The following WIPF1 variants were observed in gnomAD, a reference collection of about 807,000 sequenced individuals.
WIPF1 encodes the protein WAS/WASL interacting protein family member 1, also known as WAS/WASL-interacting protein family member 1.
A neutral mutation model predicts 35.4 loss-of-function variants in WIPF1; 13 were observed. The observed-to-expected ratio is 0.37, with a 90% confidence interval of 0.24 to 0.58. WIPF1 has a LOEUF of 0.58. Ranked by LOEUF, WIPF1 falls within the 20% of genes least tolerant of loss-of-function variation. WIPF1 has a pLI of 0.74. For missense variants in WIPF1, 591 were observed against 667.0 expected, an observed-to-expected ratio of 0.89 and a Z score of 1.25; for synonymous variants, 267 against 266.3, an observed-to-expected ratio of 1.00 and a Z score of -0.02.
At chr2:174,581,189 T>C in intron 3 of WIPF1, 121 bp downstream of exon 3, 1 of 1,414,078 alleles carries the variant, frequency 7.1e-7, no homozygotes, top group Non-Finnish European at 9.5e-7. Flanking sequence ...CTTATTTTGC[T>C]AGCTTTGCAG....
intron 1 of WIPF1, among the ~76,000 whole-genome samples, chr2:174,677,745 G>A (rs6433499): frequency 0.93 from 142,356 of 152,254 alleles, 66,653 homozygotes; most frequent in Admixed American, 0.97. Flanking sequence ...TTCTTATAGC[G>A]TTCAACAAAC....
chr2:174,660,957 G>A lies in WIPF1; in HGVS notation c.-39+21817C>T, dbSNP rs985219533. 7.2e-5 allele frequency among the ~76,000 whole-genome samples: 11 copies of A among 152,232 alleles called. No individual in the cohort carries two copies. In the South Asian group the frequency reaches 2.1e-3, roughly 29 times the overall value. ...GGGCTGGTGCTGGAAAGCACCTGAC[G>A]GAGGCTGGAACTGAAGTCAAGAGGG... On this transcript the variant is annotated intron_variant, in intron 1 of 8. Transcript: ENST00000272746.
At chr2:174,662,019 T>C (rs114819071) in intron 1 of WIPF1, among the ~76,000 whole-genome samples, 1,581 of 152,326 alleles carry the variant, frequency 0.01, 35 homozygotes, top group African/African-American at 0.035. Flanking sequence ...GCAGAGCACC[T>C]ACCCTTGCCC....
At chr2:174,637,885 T>A (rs917511907) in intron 1 of WIPF1, among the ~76,000 whole-genome samples, 1 of 152,262 alleles carries the variant, frequency 6.6e-6, no homozygotes, top group African/African-American at 2.4e-5. Flanking sequence ...GTACTGTTTT[T>A]TCCCCTACAT....
intron 6 of WIPF1, among the ~76,000 whole-genome samples, chr2:174,567,512 C>A (rs1033785495): frequency 6.6e-6 from 1 of 152,208 alleles, no homozygotes; most frequent in Non-Finnish European, 1.5e-5. Flanking sequence ...ATCTGCAGGC[C>A]GTCAGGCCTC....
rs1684501970 is a variant in WIPF1 at position 174,562,175 on chromosome 2, G to A, written c.*372C>T. ...AGGCCAAGCATGCGAAAAAGGAACG[G>A]GAGAAAACAGCTCTCAGGGACTTTA... On this transcript the variant is annotated 3_prime_UTR_variant, in exon 8 of 8. Transcript: ENST00000679041. 17 of 1,550,494 alleles carry A rather than the reference G, an allele frequency of 1.1e-5. No homozygotes were observed. Among genetic ancestry groups the A allele is most frequent in the Non-Finnish European group, 1.5e-5 (17 of 1,146,994 alleles).
intron 1 of WIPF1, among the ~76,000 whole-genome samples, chr2:174,619,959 A>G (rs1381782404): frequency 6.6e-6 from 1 of 151,906 alleles, no homozygotes; most frequent in Non-Finnish European, 1.5e-5. Flanking sequence ...AAAAAAAAAA[A>G]GAAATCTCCA....
rs1559151727 is a variant in WIPF1 at position 174,584,754 on chromosome 2, A to ATAGC, written c.51+768_51+769insGCTA. Among the ~76,000 whole-genome samples, 953 of 152,294 alleles carry ATAGC rather than the reference A, an allele frequency of 6.3e-3. 12 individuals carry two copies. The highest frequency in any genetic ancestry group is 0.022 in the African/African-American group (919 of 41,556). ...TGGTGAAACCCCGTCCATACTAAAA[A>ATAGC]TACAAAAATTAGCTGGGCATGGTGG... is the stretch of plus-strand genomic sequence containing the variant. On this transcript the variant is annotated intron_variant, in intron 2 of 7. Transcript: ENST00000679041.
At chr2:174,666,809 T>C (rs767585975) in intron 1 of WIPF1, among the ~76,000 whole-genome samples, 4 of 152,252 alleles carry the variant, frequency 2.6e-5, no homozygotes, top group Non-Finnish European at 4.4e-5. Context: ...GCCATTTTAA[T>C]CAAGGACAAG....
At chr2:174,606,450 T>C (rs1686167755) in intron 1 of WIPF1, among the ~76,000 whole-genome samples, 1 of 152,188 alleles carries the variant, frequency 6.6e-6, no homozygotes, top group Non-Finnish European at 1.5e-5. Context: ...TGGCAGCACT[T>C]CAAGTGCTCC....
intron 1 of WIPF1, among the ~76,000 whole-genome samples, chr2:174,667,987 A>T (rs1310784175): frequency 6.6e-6 from 1 of 152,160 alleles, no homozygotes; most frequent in African/African-American, 2.4e-5. Context: ...GTGCAGTGCA[A>T]ACTCTACAGG....
chr2:174,657,215 T>C (rs1687658297), intron 1 of WIPF1, among the ~76,000 whole-genome samples: 1 of 152,268 alleles, frequency 6.6e-6, no homozygotes, highest in African/African-American at 2.4e-5. Flanking sequence ...CTAAGCGAAG[T>C]ATCTGTCTTT....
chr2:174,668,630 T>C (rs1230675643), intron 1 of WIPF1, among the ~76,000 whole-genome samples: 1 of 152,156 alleles, frequency 6.6e-6, no homozygotes, highest in Admixed American at 6.5e-5. Context: ...GTGTGGATGA[T>C]TCAGAGCAAA....
At chr2:174,644,808 T>A (rs1389176884) in intron 1 of WIPF1, among the ~76,000 whole-genome samples, 1 of 152,240 alleles carries the variant, frequency 6.6e-6, no homozygotes, top group African/African-American at 2.4e-5. Flanking sequence ...AGTTTCCTAA[T>A]GTCTAATTCA....
intron 1 of WIPF1, among the ~76,000 whole-genome samples, chr2:174,642,807 A>G (rs1687327362): frequency 6.7e-6 from 1 of 148,972 alleles, no homozygotes; most frequent in South Asian, 2.1e-4. Flanking sequence ...GAGCCACTGC[A>G]CCTGGCACCT....
chr2:174,659,589 G>T (rs1182505927), intron 1 of WIPF1, among the ~76,000 whole-genome samples: 1 of 152,132 alleles, frequency 6.6e-6, no homozygotes, highest in Non-Finnish European at 1.5e-5. Context: ...GTTGACAGAG[G>T]ATCATAGTTT....
At chr2:174,677,884 GTTAAAGGTGCGA>G (rs1176581737) in intron 1 of WIPF1, among the ~76,000 whole-genome samples, 5 of 152,206 alleles carry the variant, frequency 3.3e-5, no homozygotes, top group Non-Finnish European at 7.3e-5. Context: ...GAAATTAAAG[GTTAAAGGTGCGA>G]TGCTTGGAAT....
At chr2:174,635,976 T>C (rs1167435775) in intron 1 of WIPF1, among the ~76,000 whole-genome samples, 1 of 152,184 alleles carries the variant, frequency 6.6e-6, no homozygotes. Flanking sequence ...ATTTTGACAG[T>C]TGATGGCTGG....
intron 1 of WIPF1, chr2:174,634,506 A>G (rs972835795): frequency 2.6e-5 from 4 of 152,242 alleles, no homozygotes; most frequent in African/African-American, 9.6e-5. Flanking sequence ...CCAGGGGGCA[A>G]AAAGCACTAA....
Sources: gnomAD v4.1 joint callset for allele counts (sites outside exome capture counted in the v4.1 genomes callset) on GRCh38, gnomAD v4.1.1 for gene constraint, MANE v1.5 for transcripts, NCBI Gene and HGNC (gene_info 2026-07-23, HGNC 2026-07-21) for gene names.